The following RHOBTB2 variants were observed in gnomAD, a reference collection of about 807,000 sequenced individuals.
The protein encoded by RHOBTB2 is Rho related BTB domain containing 2.
Under a neutral mutation model 66.5 loss-of-function variants are expected in RHOBTB2, and 39 were observed. The observed-to-expected ratio is 0.59, with a 90% CI of 0.45 to 0.77. RHOBTB2 has a LOEUF of 0.77. RHOBTB2 is among the 30% of genes least tolerant of loss of function. The pLI is 0.00. For synonymous variants in RHOBTB2, 390 were observed against 395.0 expected, an observed-to-expected ratio of 0.99 and a Z score of 0.15; for missense variants, 755 against 999.1, an observed-to-expected ratio of 0.76 and a Z score of 3.29.
At chr8:22,955,448 A>C in the RHOBTB2 span, among the ~76,000 whole-genome samples, 1 of 152,022 alleles carries the variant, frequency 6.6e-6, no homozygotes, top group Non-Finnish European at 1.5e-5. Context: ...AGGACTCTAG[A>C]CCAATGTACA....
At chr8:23,009,536 T>C (rs1187626695) in intron 6 of RHOBTB2, among the ~76,000 whole-genome samples, 2 of 152,310 alleles carry the variant, frequency 1.3e-5, no homozygotes, top group African/African-American at 2.4e-5. Flanking sequence ...TTTCCCCTAC[T>C]GTTCTGTAAC....
chr8:23,013,208 A>G (rs2128807303), intron 7 of RHOBTB2, among the ~76,000 whole-genome samples: 1 of 152,150 alleles, frequency 6.6e-6, no homozygotes, highest in South Asian at 2.1e-4. Flanking sequence ...TGCTGTGATT[A>G]CAGGCGTGGG....
the RHOBTB2 span, among the ~76,000 whole-genome samples, chr8:22,954,911 C>T: frequency 2.1e-3 from 315 of 152,306 alleles, no homozygotes; most frequent in African/African-American, 7.3e-3. Flanking sequence ...GTGGGCAGAT[C>T]ACTTGAGGTC....
chr8:22,999,349 G>C (rs1394955637), upstream of RHOBTB2, among the ~76,000 whole-genome samples: 1 of 151,956 alleles, frequency 6.6e-6, no homozygotes, highest in Non-Finnish European at 1.5e-5. Context: ...GCCTCGCCAG[G>C]TGGAGGGACC....
intron 7 of RHOBTB2, among the ~76,000 whole-genome samples, chr8:23,011,747 A>G (rs1165847637): frequency 6.6e-6 from 1 of 152,052 alleles, no homozygotes; most frequent in Non-Finnish European, 1.5e-5. Context: ...CGGCAGGGGT[A>G]CCAGCGCTGG....
chr8:22,954,702 T>C, the RHOBTB2 span, among the ~76,000 whole-genome samples: 26 of 152,358 alleles, frequency 1.7e-4, no homozygotes, highest in East Asian at 5.0e-3. Context: ...CTTTTAAATC[T>C]TTAGAATAAT....
In RHOBTB2 at chr8:23,017,008, T is replaced by G. The variant is rs1368312669; in HGVS notation, c.1967-244T>G. Among the ~76,000 whole-genome samples, 4 of 152,188 alleles carry G rather than the reference T, an allele frequency of 2.6e-5. No individual in the cohort carries two copies. The highest frequency in any genetic ancestry group is 5.9e-5 in the Non-Finnish European group (4 of 68,032). On this transcript the variant is annotated intron_variant, in intron 9 of 9. Coordinates refer to ENST00000251822, the MANE Select transcript of RHOBTB2 (RefSeq NM_015178.3). This position sits in a 1 kb window ranked among gnomAD's most constrained non-coding sequence, Gnocchi z 5.3. ...TTCATTCCCAACGCACAGGAAGCCC[T>G]TGTCTAGATCGCCCGTCTTTGGAAA...
the RHOBTB2 span, among the ~76,000 whole-genome samples, chr8:22,981,784 TA>T: frequency 6.6e-6 from 1 of 152,202 alleles, no homozygotes; most frequent in African/African-American, 2.4e-5. Context: ...CTGGCTGGCA[TA>T]CTCTTACAGC....
upstream of RHOBTB2, among the ~76,000 whole-genome samples, chr8:22,995,270 C>A (rs1810517432): frequency 6.6e-6 from 1 of 152,114 alleles, no homozygotes; most frequent in Non-Finnish European, 1.5e-5. Flanking sequence ...GGCCTGTGAG[C>A]AGGAACCTTG....
chr8:23,014,571 G>C, intron 7 of RHOBTB2, 119 bp from the exon 8 acceptor site: 1 of 877,634 alleles, frequency 1.1e-6, no homozygotes, highest in Non-Finnish European at 1.8e-6. Context: ...TTCCTGGCCT[G>C]TCCGGACCTG....
At chr8:22,968,655 T>C in the RHOBTB2 span, among the ~76,000 whole-genome samples, 5 of 152,090 alleles carry the variant, frequency 3.3e-5, no homozygotes, top group Admixed American at 2.0e-4. Flanking sequence ...CAGTATGATA[T>C]GTTACAACAA....
chr8:22,991,194 C>G (rs1478098974), intron 1 of RHOBTB2, among the ~76,000 whole-genome samples: 2 of 152,140 alleles, frequency 1.3e-5, no homozygotes, highest in African/African-American at 4.8e-5. Flanking sequence ...GCCCTGTGGG[C>G]TTCTCATCAC....
the RHOBTB2 span, among the ~76,000 whole-genome samples, chr8:22,969,651 C>T: frequency 6.6e-6 from 1 of 152,016 alleles, no homozygotes; most frequent in African/African-American, 2.4e-5. Flanking sequence ...CTGAAATTTA[C>T]CTTAAGGAAA....
At chr8:22,964,045 T>C in the RHOBTB2 span, among the ~76,000 whole-genome samples, 141,005 of 152,218 alleles carry the variant, frequency 0.93, 65,388 homozygotes, top group East Asian at 0.97. Flanking sequence ...CCTCCCAAAG[T>C]GCTGGGATTA....
At chr8:22,998,471 C>T (rs994390092), upstream of RHOBTB2, among the ~76,000 whole-genome samples, 20 of 152,052 alleles carry the variant, frequency 1.3e-4, no homozygotes, top group Non-Finnish European at 2.4e-4. Context: ...TGGTGGCTCA[C>T]GCCTGTAATC....
At chr8:22,953,861 T>A in the RHOBTB2 span, among the ~76,000 whole-genome samples, 5 of 152,196 alleles carry the variant, frequency 3.3e-5, no homozygotes, top group South Asian at 4.1e-4. Context: ...ATGTGAATGG[T>A]TGGTTTGTTT....
intron 6 of RHOBTB2, among the ~76,000 whole-genome samples, chr8:23,009,613 G>A (rs1811076850): frequency 6.6e-6 from 1 of 152,160 alleles, no homozygotes; most frequent in Non-Finnish European, 1.5e-5. Flanking sequence ...CAGTCTCTTG[G>A]GAAATGCTCA....
chr8:23,015,804 C>T, intron 9 of RHOBTB2, 61 bp downstream of exon 9: 1 of 1,174,470 alleles, frequency 8.5e-7, no homozygotes, highest in Non-Finnish European at 1.2e-6. Context: ...TGCACAGCTC[C>T]CATGTAATCC....
the RHOBTB2 span, among the ~76,000 whole-genome samples, chr8:22,967,344 C>T: frequency 6.6e-6 from 1 of 152,130 alleles, no homozygotes; most frequent in Non-Finnish European, 1.5e-5. Context: ...CATGGTGGCT[C>T]AGGCCTGTAA....
Sources: gnomAD v4.1 joint callset for allele counts (sites outside exome capture counted in the v4.1 genomes callset) on GRCh38, gnomAD v4.1.1 for gene constraint, Gnocchi (gnomAD v3.1) non-coding constraint, MANE v1.5 for transcripts, NCBI Gene and HGNC (gene_info 2026-07-23, HGNC 2026-07-21) for gene names.